ADORA2B: variants seen among roughly 807,000 people sequenced by gnomAD.
ADORA2B encodes the protein adenosine receptor A2b.
Under a neutral mutation model 20.8 loss-of-function variants are expected in ADORA2B, and 18 were observed. The observed-to-expected ratio is 0.87, with a 90% CI of 0.60 to 1.29. The LOEUF (loss-of-function observed/expected upper bound fraction) is 1.29, where lower values mean the gene tolerates loss of function less well. Among genes scored for constraint, ADORA2B ranks in the 50% most tolerant of loss-of-function variants. The pLI is 0.00. For synonymous variants in ADORA2B, 179 were observed against 178.3 expected (o/e 1.00, Z -0.03); for missense variants, 441 against 422.7 (o/e 1.04, Z -0.38).
chr17:15,974,615 G>A, intron 1 of ADORA2B, 64 bp from the exon 2 acceptor site: 1 of 1,409,702 alleles, frequency 7.1e-7, no homozygotes, highest in Non-Finnish European at 9.7e-7. Flanking sequence ...GAGGAGGTGG[G>A]GTCTTGGATT....
the ADORA2B span, among the ~76,000 whole-genome samples, chr17:15,935,898 G>A: frequency 5.1e-5 from 7 of 137,172 alleles, no homozygotes; most frequent in African/African-American, 8.6e-5. Context: ...ATCGAGTCTC[G>A]CTCTGTCGCC....
Position 15,974,966 on chromosome 17 carries a change from T to C in ADORA2B, c.623T>C (p.Val208Ala), listed in dbSNP as rs1380658624. 1 of 1,614,170 alleles carries C rather than the reference T, an allele frequency of 6.2e-7. No individual in the cohort carries two copies. The highest frequency in any genetic ancestry group is 2.2e-5 in the East Asian group (1 of 44,882). ...MLVIYIKIFL[V>A]ACRQLQRTEL... ...GTGATCTACATTAAGATCTTCCTGG[T>C]GGCCTGCAGGCAGCTTCAGCGCACT... The change falls in exon 2 of 2, where the codon GTG (valine) becomes GCG (alanine). Residue 208 changes from valine to alanine, a missense_variant. Physicochemically the swap from Val to Ala is moderately conservative, Grantham distance 64. Coordinates refer to ENST00000304222, the MANE Select transcript of ADORA2B (RefSeq NM_000676.4).
chr17:15,959,634 G>C (rs922209218), intron 1 of ADORA2B, among the ~76,000 whole-genome samples: 1 of 151,876 alleles, frequency 6.6e-6, no homozygotes, highest in Non-Finnish European at 1.5e-5. Context: ...CCGAGTAGTT[G>C]GGATTATAGG....
chr17:15,885,027 A>C, the ADORA2B span, among the ~76,000 whole-genome samples: 2 of 152,216 alleles, frequency 1.3e-5, no homozygotes, highest in South Asian at 4.1e-4. Context: ...ACAAATTTAC[A>C]CTCCGACCAG....
chr17:15,950,502 T>C (rs1215275316), intron 1 of ADORA2B, among the ~76,000 whole-genome samples: 1 of 152,154 alleles, frequency 6.6e-6, no homozygotes, highest in Non-Finnish European at 1.5e-5. Context: ...CACTGAATTC[T>C]CCTGTCAGGT....
the ADORA2B span, among the ~76,000 whole-genome samples, chr17:15,910,005 T>C: frequency 6.6e-6 from 1 of 152,178 alleles, no homozygotes; most frequent in Non-Finnish European, 1.5e-5. Flanking sequence ...CAGATCTGTG[T>C]GCACTACACA....
chr17:15,925,507 A>G, the ADORA2B span, among the ~76,000 whole-genome samples: 1 of 152,204 alleles, frequency 6.6e-6, no homozygotes, highest in African/African-American at 2.4e-5. Context: ...ACACTGTTGT[A>G]TGTTAACTTC....
chr17:15,914,399 C>T, the ADORA2B span, among the ~76,000 whole-genome samples: 6 of 152,176 alleles, frequency 3.9e-5, no homozygotes, highest in African/African-American at 1.4e-4. Context: ...AGAGAGGGCT[C>T]TTGCTTTGTT....
At chr17:15,966,293 C>T (rs774146398) in intron 1 of ADORA2B, among the ~76,000 whole-genome samples, 64 of 152,174 alleles carry the variant, frequency 4.2e-4, no homozygotes, top group Non-Finnish European at 8.1e-4. Flanking sequence ...GTACACATTC[C>T]GTCTATGTTA....
At chr17:15,965,849 T>C (rs1332266625) in intron 1 of ADORA2B, among the ~76,000 whole-genome samples, 1 of 152,264 alleles carries the variant, frequency 6.6e-6, no homozygotes, top group Non-Finnish European at 1.5e-5. Flanking sequence ...AGAACTCCTC[T>C]TTCATCTGCA....
the ADORA2B span, among the ~76,000 whole-genome samples, chr17:15,851,827 A>G: frequency 2.0e-5 from 3 of 152,174 alleles, no homozygotes; most frequent in Admixed American, 6.5e-5. Flanking sequence ...AAGGAAGTGT[A>G]TTTGACCTGT....
At chr17:15,962,678 C>A (rs908423151) in intron 1 of ADORA2B, among the ~76,000 whole-genome samples, 2 of 152,044 alleles carry the variant, frequency 1.3e-5, no homozygotes, top group Non-Finnish European at 2.9e-5. Flanking sequence ...ATTACAGGCG[C>A]CTTGCCACCA....
At chr17:15,971,629 ATT>A (rs34445090) in intron 1 of ADORA2B, among the ~76,000 whole-genome samples, 26 of 127,912 alleles carry the variant, frequency 2.0e-4, no homozygotes, top group African/African-American at 5.3e-4. Context: ...TGTAATGGCC[ATT>A]TTTTTTTTTT....
At chr17:15,888,932 G>A in the ADORA2B span, among the ~76,000 whole-genome samples, 2 of 89,630 alleles carry the variant, frequency 2.2e-5, no homozygotes, top group Non-Finnish European at 2.0e-5. Context: ...GCGCTATCTC[G>A]GCTCACTGCA....
At chr17:15,851,057 C>T in the ADORA2B span, among the ~76,000 whole-genome samples, 5 of 152,148 alleles carry the variant, frequency 3.3e-5, no homozygotes, top group Non-Finnish European at 5.9e-5. Flanking sequence ...ATATAATACA[C>T]ATCAATTTAT....
intron 1 of ADORA2B, among the ~76,000 whole-genome samples, chr17:15,970,659 T>A (rs1305475398): frequency 6.6e-6 from 1 of 152,262 alleles, no homozygotes; most frequent in Non-Finnish European, 1.5e-5. Flanking sequence ...CTCTCCAGTT[T>A]GGCTGTGTTA....
chr17:15,966,538 C>G (rs950925502), intron 1 of ADORA2B, among the ~76,000 whole-genome samples: 1 of 152,260 alleles, frequency 6.6e-6, no homozygotes, highest in Admixed American at 6.5e-5. Flanking sequence ...TAGGCCAGTG[C>G]TTGTTATGCA....
At chr17:15,936,943 G>A in the ADORA2B span, among the ~76,000 whole-genome samples, 1 of 152,120 alleles carries the variant, frequency 6.6e-6, no homozygotes, top group East Asian at 1.9e-4. Flanking sequence ...ACAACAGAGT[G>A]AGACTCTATC....
At chr17:15,889,916 T>TA in the ADORA2B span, among the ~76,000 whole-genome samples, 1 of 129,020 alleles carries the variant, frequency 7.8e-6, no homozygotes, top group Admixed American at 7.6e-5. Flanking sequence ...AATAAATAAA[T>TA]AAAAATTTTC....
Sources: allele counts gnomAD v4.1 joint callset (sites outside exome capture counted in the v4.1 genomes callset), GRCh38; gene constraint gnomAD v4.1.1; transcripts MANE v1.5; gene names NCBI Gene and HGNC (gene_info 2026-07-23, HGNC 2026-07-21).